Variants in GRK5 observed in about 807,000 individuals in gnomAD.
GRK5 encodes g protein-coupled receptor kinase GRK5.
GRK5 carries 40 observed loss-of-function variants against 78.4 expected under a neutral mutation model. The observed-to-expected ratio is 0.51, with a 90% CI of 0.40 to 0.66. The LOEUF is 0.66. Ranked by LOEUF, GRK5 falls within the 30% of genes least tolerant of loss-of-function variation. GRK5 has a pLI of 0.00. For synonymous variants in GRK5, 289 were observed against 296.8 expected (o/e 0.97, Z 0.27); for missense variants, 598 against 759.9 (o/e 0.79, Z 2.50).
intron 2 of GRK5, among the ~76,000 whole-genome samples, chr10:119,353,563 G>A (rs1287172561): frequency 6.6e-6 from 1 of 152,174 alleles, no homozygotes; most frequent in Non-Finnish European, 1.5e-5. Context: ...TCTAAATCCA[G>A]GCTTTCCCTA....
intron 2 of GRK5, among the ~76,000 whole-genome samples, chr10:119,366,813 C>A (rs1851457903): frequency 6.6e-6 from 1 of 152,230 alleles, no homozygotes; most frequent in Non-Finnish European, 1.5e-5. Flanking sequence ...GGTCCCGAGT[C>A]TTTGTCTGCT....
At chr10:119,429,113 G>T (rs73443099) in intron 6 of GRK5, among the ~76,000 whole-genome samples, 22,364 of 152,226 alleles carry the variant, frequency 0.15, 3,732 homozygotes, top group African/African-American at 0.4. Context: ...CGGGATACCC[G>T]CAGAGGGGCA....
At chr10:119,425,710 C>G (rs148027053) in intron 6 of GRK5, among the ~76,000 whole-genome samples, 1 of 152,218 alleles carries the variant, frequency 6.6e-6, no homozygotes, top group Non-Finnish European at 1.5e-5. Flanking sequence ...GTGAGCAGGG[C>G]GCTTCCTTGT....
chr10:119,315,507 AG>A (rs1353413276), intron 1 of GRK5, among the ~76,000 whole-genome samples: 1 of 151,736 alleles, frequency 6.6e-6, no homozygotes, highest in East Asian at 1.9e-4. Flanking sequence ...CAGTAGACAC[AG>A]GGGTAACCCA....
At position 119,443,753 on chromosome 10, in the gene GRK5, G is replaced by GTA; in HGVS notation, c.1266+2_1266+3insAT. On this transcript the variant is annotated splice_donor_variant, in intron 12 of 15. Transcript: ENST00000392870. LOFTEE classifies it high-confidence loss of function. ...GGAGGCCAAGTCCATCTGCAAGATG[G>GTA]TGAGCTCCTGGTGGCCAGATGCCAC... 6.3e-7 allele frequency: 1 copy of GTA among 1,592,600 alleles called. No homozygotes were observed. Among genetic ancestry groups the GTA allele is most frequent in the Non-Finnish European group, 8.6e-7 (1 of 1,165,164 alleles).
chr10:119,215,871 TAGAA>T (rs1848563410), intron 1 of GRK5, among the ~76,000 whole-genome samples: 2 of 152,052 alleles, frequency 1.3e-5, no homozygotes, highest in South Asian at 4.1e-4. Context: ...ACAGAAAGAA[TAGAA>T]AGAAACCTCC....
chr10:119,324,491 G>A (rs193218365), intron 1 of GRK5, among the ~76,000 whole-genome samples: 5 of 152,316 alleles, frequency 3.3e-5, no homozygotes, highest in South Asian at 2.1e-4. Flanking sequence ...AGCCGGGTGC[G>A]GTGGTGCACA....
rs191423044 is a variant in GRK5, at chr10:119,447,641, G to A, written c.1267-482G>A. Among the ~76,000 whole-genome samples, 37 of 152,202 alleles carry A rather than the reference G, an allele frequency of 2.4e-4. No individual in the cohort carries two copies. In the East Asian group the frequency reaches 4.5e-3, roughly 18 times the overall value. On this transcript the variant is annotated intron_variant, in intron 12 of 15. Coordinates refer to ENST00000392870, the MANE Select transcript of GRK5 (RefSeq NM_005308.3). ...TGCCCGATCTGTATCACCTTGATGC[G>A]TCCTCTGAGCATGATTAGCCCCCCA...
chr10:119,408,535 A>G (rs896820494), intron 4 of GRK5, among the ~76,000 whole-genome samples: 1 of 152,208 alleles, frequency 6.6e-6, no homozygotes, highest in Non-Finnish European at 1.5e-5. Context: ...TGAAGCGCTA[A>G]TACATGCCCC....
At chr10:119,310,055 G>C (rs540966368) in intron 1 of GRK5, among the ~76,000 whole-genome samples, 1 of 152,168 alleles carries the variant, frequency 6.6e-6, no homozygotes, top group Non-Finnish European at 1.5e-5. Context: ...GACCATGTGT[G>C]TACACGGTCA....
chr10:119,351,542 G>A (rs1851185249), intron 2 of GRK5, among the ~76,000 whole-genome samples: 1 of 152,044 alleles, frequency 6.6e-6, no homozygotes, highest in African/African-American at 2.4e-5. Flanking sequence ...TGATTGTGAG[G>A]CTTCCCTGGC....
chr10:119,256,795 A>G (rs1470097128), intron 1 of GRK5, among the ~76,000 whole-genome samples: 1 of 152,188 alleles, frequency 6.6e-6, no homozygotes, highest in Admixed American at 6.5e-5. Context: ...TTGTACATTC[A>G]CAATGTTGTG....
chr10:119,396,921 T>G, intron 4 of GRK5, 149 bp downstream of exon 4: 1 of 708,360 alleles, frequency 1.4e-6, no homozygotes, highest in East Asian at 2.5e-5. Context: ...GTTCCCATCC[T>G]CCCCCAGAGA....
At chr10:119,280,148 C>A (rs1015335518) in intron 1 of GRK5, among the ~76,000 whole-genome samples, 8 of 152,150 alleles carry the variant, frequency 5.3e-5, no homozygotes, top group Non-Finnish European at 1.0e-4. Flanking sequence ...TCTCTGGAGG[C>A]TTCTCCCTGG....
intron 1 of GRK5, among the ~76,000 whole-genome samples, chr10:119,288,418 A>C (rs1435134246): frequency 6.6e-6 from 1 of 152,168 alleles, no homozygotes; most frequent in Non-Finnish European, 1.5e-5. Flanking sequence ...AGCAAATAGT[A>C]GGTGCTTAAC....
intron 2 of GRK5, among the ~76,000 whole-genome samples, chr10:119,346,038 C>T (rs1024854965): frequency 6.7e-6 from 1 of 150,192 alleles, no homozygotes; most frequent in Admixed American, 6.7e-5. Flanking sequence ...CCCCACCAAA[C>T]ATTCCCAAGG....
In GRK5 at chr10:119,353,377, T is replaced by C. The variant is rs531678892; in HGVS notation, c.148+26766T>C. Among the ~76,000 whole-genome samples, 132 of 152,272 alleles carry C rather than the reference T, an allele frequency of 8.7e-4. 1 individual carries two copies. The highest frequency in any genetic ancestry group is 8.6e-3 in the Admixed American group (131 of 15,298). ...GTAATTACCTCCAAGTAAATAGTCT[T>C]GGAAGGAAGTTTAGAGAGATGTTTC... On this transcript the variant is annotated intron_variant, in intron 2 of 15. Coordinates refer to ENST00000392870, the MANE Select transcript of GRK5 (RefSeq NM_005308.3).
chr10:119,364,284 T>C (rs1327186663), intron 2 of GRK5, among the ~76,000 whole-genome samples: 1 of 152,066 alleles, frequency 6.6e-6, no homozygotes, highest in Non-Finnish European at 1.5e-5. Flanking sequence ...TCTGGAGGGG[T>C]TCCCTTGGGG....
intron 1 of GRK5, among the ~76,000 whole-genome samples, chr10:119,266,679 G>A (rs1849503400): frequency 6.8e-6 from 1 of 148,032 alleles, no homozygotes; most frequent in Admixed American, 6.7e-5. Flanking sequence ...ATGGAGTCAA[G>A]GAGGCTTTCA....
Sources: allele counts gnomAD v4.1 joint callset (sites outside exome capture counted in the v4.1 genomes callset), GRCh38; gene constraint gnomAD v4.1.1; transcripts MANE v1.5; gene names NCBI Gene and HGNC (gene_info 2026-07-23, HGNC 2026-07-21).